Variants in SHC3 observed in about 807,000 individuals in gnomAD.
SHC3 encodes the protein SHC-transforming protein 3.
In SHC3, 15 loss-of-function variants were observed where a neutral mutation model predicts 60.4. The ratio of observed to expected loss-of-function variants is 0.25; its 90% CI spans 0.17 to 0.38. The LOEUF is 0.38. Among genes scored for constraint, SHC3 ranks in the 10% least tolerant of loss-of-function variants. The pLI, the probability that SHC3 is intolerant of heterozygous loss-of-function variation, is 1.00. For missense variants in SHC3, 677 were observed against 786.1 expected, an observed-to-expected ratio of 0.86 and a Z score of 1.66; for synonymous variants, 294 against 325.9, an observed-to-expected ratio of 0.90 and a Z score of 1.05.
intron 6 of SHC3, among the ~76,000 whole-genome samples, chr9:89,062,458 A>G (rs1396645262): frequency 6.6e-6 from 1 of 152,232 alleles, no homozygotes; most frequent in Non-Finnish European, 1.5e-5. Flanking sequence ...TGGATTAACT[A>G]TAGAAGCCAT....
chr9:89,153,081 C>T (rs1826566227), intron 1 of SHC3, among the ~76,000 whole-genome samples: 1 of 152,094 alleles, frequency 6.6e-6, no homozygotes, highest in Non-Finnish European at 1.5e-5. Context: ...TAAATATGTG[C>T]TCGTTGAGCT....
intron 1 of SHC3, among the ~76,000 whole-genome samples, chr9:89,114,107 C>T (rs1201384923): frequency 6.6e-6 from 1 of 152,116 alleles, no homozygotes; most frequent in Non-Finnish European, 1.5e-5. Flanking sequence ...ATGTGAATAC[C>T]ATGAACATCA....
At chr9:89,129,418 T>A (rs1356573587) in intron 1 of SHC3, among the ~76,000 whole-genome samples, 1 of 152,116 alleles carries the variant, frequency 6.6e-6, no homozygotes, top group African/African-American at 2.4e-5. Context: ...GACACAAAGA[T>A]ACTCCTCGAG....
intron 2 of SHC3, chr9:89,110,084 A>G: frequency 1.0e-6 from 1 of 985,448 alleles, no homozygotes; most frequent in Non-Finnish European, 1.2e-6. Flanking sequence ...ACAAAAAGGA[A>G]ACACCTTTCC....
At chr9:89,089,667 A>G (rs1370876427) in intron 2 of SHC3, among the ~76,000 whole-genome samples, 1 of 152,208 alleles carries the variant, frequency 6.6e-6, no homozygotes, top group Non-Finnish European at 1.5e-5. Flanking sequence ...CCAGAATCAC[A>G]CAATATTGGT....
At chr9:89,118,031 T>A (rs1287919403) in intron 1 of SHC3, among the ~76,000 whole-genome samples, 1 of 152,164 alleles carries the variant, frequency 6.6e-6, no homozygotes, top group East Asian at 1.9e-4. Flanking sequence ...TGTATGTATT[T>A]TTTTTCTGAA....
At chr9:89,071,286 G>T (rs1177064996) in intron 4 of SHC3, 34 bp from the exon 5 acceptor site, 6 of 1,610,622 alleles carry the variant, frequency 3.7e-6, no homozygotes, top group Non-Finnish European at 4.2e-6. Flanking sequence ...GAGATGTGCT[G>T]TTATCGCCCT....
chr9:89,113,794 G>A (rs952250747), intron 1 of SHC3, among the ~76,000 whole-genome samples: 6 of 152,186 alleles, frequency 3.9e-5, no homozygotes, highest in Admixed American at 1.3e-4. Flanking sequence ...GCAGCATTAA[G>A]AGAATACCAC....
intron 1 of SHC3, among the ~76,000 whole-genome samples, chr9:89,121,943 A>G (rs564696376): frequency 2.0e-5 from 3 of 152,330 alleles, no homozygotes; most frequent in Non-Finnish European, 4.4e-5. Flanking sequence ...ATCAGTAACT[A>G]TATTTGGAAG....
chr9:89,071,084 A>T lies in SHC3; in HGVS notation c.783+115T>A, dbSNP rs1382555576. 5.9e-6 allele frequency: 5 copies of T among 854,376 alleles called. No homozygotes were observed. In the African/African-American group the frequency reaches 8.5e-5, roughly 15 times the overall value. 52.9% of individuals were successfully genotyped at this position (854,376 alleles called of 1,614,324 possible). ...CTATGGAAATCAGGAGGGGGAAATTAGTTGCCATCACAATTAACCTTTTTT... is the reference window on the plus strand; with the variant it reads ...CTATGGAAATCAGGAGGGGGAAATTTGTTGCCATCACAATTAACCTTTTTT... On this transcript the variant is annotated intron_variant, in intron 5 of 11. Coordinates refer to ENST00000375835, the MANE Select transcript of SHC3 (RefSeq NM_016848.6).
intron 2 of SHC3, among the ~76,000 whole-genome samples, chr9:89,111,745 C>T (rs1431393849): frequency 2.6e-5 from 4 of 152,164 alleles, no homozygotes; most frequent in Non-Finnish European, 4.4e-5. Flanking sequence ...ACTTGGTTTG[C>T]TAATCCAAAC....
chr9:89,085,807 A>G (rs965120043), intron 2 of SHC3, among the ~76,000 whole-genome samples: 1 of 152,204 alleles, frequency 6.6e-6, no homozygotes, highest in South Asian at 2.1e-4. Context: ...AAGGCATTAG[A>G]GTTCTAGAAA....
At chr9:89,122,853 A>G (rs929828005) in intron 1 of SHC3, among the ~76,000 whole-genome samples, 2 of 152,202 alleles carry the variant, frequency 1.3e-5, no homozygotes, top group Non-Finnish European at 2.9e-5. Flanking sequence ...TACTTCTGTT[A>G]CCAAGGGATG....
chr9:89,035,119 T>G (rs1824550092), intron 11 of SHC3, among the ~76,000 whole-genome samples: 1 of 152,222 alleles, frequency 6.6e-6, no homozygotes, highest in African/African-American at 2.4e-5. Flanking sequence ...TTCCCAGAGC[T>G]CAGGGCCTTT....
chr9:89,178,661 G>A lies in SHC3; in HGVS notation c.-201C>T, dbSNP rs1826985754. ...AAGCCAGCACAGCGGCGGCCGCGCAGCCCCGGCCCGGGAGACCGCTGCTTG... is the reference window on the plus strand; with the variant it reads ...AAGCCAGCACAGCGGCGGCCGCGCAACCCCGGCCCGGGAGACCGCTGCTTG... On this transcript the variant is annotated 5_prime_UTR_variant, in exon 1 of 12. Coordinates refer to ENST00000375835, the MANE Select transcript of SHC3 (RefSeq NM_016848.6). The surrounding 1 kb of genome is among the most constrained non-coding windows in gnomAD (Gnocchi z 6.9). 2.2e-6 allele frequency: 1 copy of A among 450,424 alleles called. No homozygotes were observed. Among genetic ancestry groups the A allele is most frequent in the Non-Finnish European group, 3.8e-6 (1 of 262,456 alleles). The allele number at this position is 450,424 out of a possible 1,614,324, so 27.9% of individuals were successfully genotyped here.
intron 11 of SHC3, among the ~76,000 whole-genome samples, chr9:89,030,463 C>T (rs1192152648): frequency 6.6e-6 from 1 of 152,042 alleles, no homozygotes; most frequent in Non-Finnish European, 1.5e-5. Flanking sequence ...GGACAAATTC[C>T]TAGAAAGACA....
intron 1 of SHC3, among the ~76,000 whole-genome samples, chr9:89,153,955 G>A (rs982402290): frequency 6.6e-6 from 1 of 152,052 alleles, no homozygotes; most frequent in Non-Finnish European, 1.5e-5. Flanking sequence ...TCCTCCTGAC[G>A]ACCTTATAAA....
chr9:89,127,328 G>T (rs572078988), intron 1 of SHC3, among the ~76,000 whole-genome samples: 1 of 152,230 alleles, frequency 6.6e-6, no homozygotes, highest in East Asian at 1.9e-4. Flanking sequence ...AGAAATATTG[G>T]CAGTTTGGCA....
chr9:89,152,327 C>A lies in SHC3; in HGVS notation c.474+25660G>T, dbSNP rs576222656. 2.0e-5 allele frequency among the ~76,000 whole-genome samples: 3 copies of A among 152,310 alleles called. No individual in the cohort carries two copies. In the East Asian group the frequency reaches 5.8e-4, roughly 29 times the overall value. On this transcript the variant is annotated intron_variant, in intron 1 of 11. Coordinates refer to ENST00000375835, the MANE Select transcript of SHC3 (RefSeq NM_016848.6). ...GTTGGCCTGGGCATAGATCAATTACCATGCACTGTAAAAAATAGAGGTCAA... is the reference window on the plus strand; with the variant it reads ...GTTGGCCTGGGCATAGATCAATTACAATGCACTGTAAAAAATAGAGGTCAA...
Sources: allele counts gnomAD v4.1 joint callset (sites outside exome capture counted in the v4.1 genomes callset), GRCh38; gene constraint gnomAD v4.1.1; non-coding constraint Gnocchi (gnomAD v3.1); transcripts MANE v1.5; gene names NCBI Gene and HGNC (gene_info 2026-07-23, HGNC 2026-07-21).